OR2L5: variants seen among roughly 807,000 people sequenced by gnomAD.
OR2L5 encodes the protein olfactory receptor 2L5.
For missense variants in OR2L5, 413 were observed against 381.6 expected (o/e 1.08, Z -0.69); for synonymous variants, 169 against 142.0 (o/e 1.19, Z -1.35).
intron 1 of OR2L5, among the ~76,000 whole-genome samples, chr1:248,014,654 A>G (rs943891612): frequency 6.6e-6 from 1 of 152,124 alleles, no homozygotes; most frequent in Admixed American, 6.6e-5. Context: ...TGTAAGTGAT[A>G]GTGATTATGT....
Position 248,022,103 on chromosome 1 carries a change from C to A in OR2L5, c.156C>A (p.Thr52=). The A allele has an allele frequency of 6.2e-7, 1 of 1,613,870 alleles. No homozygotes were observed. Residue 52 remains threonine, a synonymous_variant, in exon 2 of 2, where the codon ACC becomes ACA. Coordinates refer to ENST00000355281, the MANE Select transcript of OR2L5 (RefSeq NM_001258284.2). ...LSMILLIFLD[T]HLHTPMYFLL... ...TGATTCTTCTCATCTTCTTGGACAC[C>A]CATCTCCACACACCCATGTATTTCC...
chr1:248,021,302 T>A (rs4517382), intron 1 of OR2L5, among the ~76,000 whole-genome samples: 46,108 of 152,066 alleles, frequency 0.3, 11,282 homozygotes, highest in African/African-American at 0.68. Flanking sequence ...TTTTCTAATT[T>A]GGAAAGATTA....
rs955530878 is a variant in OR2L5, at chr1:248,016,653, A to C, written c.-22+2915A>C. ...AGTGAGTCAGCCTTATTTCAGATGT[A>C]CTGCCTAAAAATATTTGGATAAACT... is the stretch of plus-strand genomic sequence containing the variant. On this transcript the variant is annotated intron_variant, in intron 1 of 1. Transcript: ENST00000355281. Among the ~76,000 whole-genome samples, 7 of 152,184 alleles carry C rather than the reference A, an allele frequency of 4.6e-5. No individual in the cohort carries two copies. In the East Asian group the frequency reaches 1.4e-3, roughly 29 times the overall value.
At chr1:248,015,018 C>T (rs1277466447) in intron 1 of OR2L5, among the ~76,000 whole-genome samples, 1 of 152,030 alleles carries the variant, frequency 6.6e-6, no homozygotes, top group Non-Finnish European at 1.5e-5. Context: ...GTCTGTCTGC[C>T]CACTTACCTA....
Position 248,022,979 on chromosome 1 carries a change from TCAAA to T in OR2L5, c.*96_*99del. The T allele has an allele frequency of 1.7e-6, 2 of 1,147,816 alleles. No individual in the cohort carries two copies. The highest frequency in any genetic ancestry group is 2.5e-6 in the Non-Finnish European group (2 of 809,230). 71.1% of individuals were successfully genotyped at this position (1,147,816 alleles called of 1,614,324 possible). On this transcript the variant is annotated 3_prime_UTR_variant, in exon 2 of 2. Transcript: ENST00000355281. ...AAAACATTATTACATGCCCAGTATGTCAAACAGAGATTAATCCAGAATGTTTGTC... is the reference window on the plus strand; with the variant it reads ...AAAACATTATTACATGCCCAGTATGTCAGAGATTAATCCAGAATGTTTGTC...
At chr1:248,018,118 G>C (rs1442320921) in intron 1 of OR2L5, among the ~76,000 whole-genome samples, 1 of 148,688 alleles carries the variant, frequency 6.7e-6, no homozygotes, top group South Asian at 2.1e-4. Flanking sequence ...TCACACCACT[G>C]CACTCCAGCC....
At chr1:248,017,697 C>T (rs1002268003) in intron 1 of OR2L5, among the ~76,000 whole-genome samples, 27 of 152,124 alleles carry the variant, frequency 1.8e-4, no homozygotes, top group African/African-American at 5.5e-4. Flanking sequence ...CTTTTCTACC[C>T]GGTGGTCTGG....
chr1:248,016,116 G>A (rs897076646), intron 1 of OR2L5, among the ~76,000 whole-genome samples: 1 of 151,982 alleles, frequency 6.6e-6, no homozygotes, highest in Admixed American at 6.6e-5. Flanking sequence ...ACTTAAATTA[G>A]GCTATTTTAA....
intron 1 of OR2L5, among the ~76,000 whole-genome samples, chr1:248,015,494 G>A (rs74155894): frequency 3.5e-4 from 53 of 152,180 alleles, no homozygotes; most frequent in African/African-American, 1.1e-3. Context: ...GCTGACTTAC[G>A]AAGTCAATGA....
At chr1:248,018,377 C>A (rs1662258490) in intron 1 of OR2L5, among the ~76,000 whole-genome samples, 1 of 152,030 alleles carries the variant, frequency 6.6e-6, no homozygotes, top group Admixed American at 6.6e-5. Flanking sequence ...TTAGTAATTA[C>A]AAATAGCACC....
chr1:248,015,812 T>C (rs1662183438), intron 1 of OR2L5, among the ~76,000 whole-genome samples: 1 of 152,204 alleles, frequency 6.6e-6, no homozygotes, highest in Non-Finnish European at 1.5e-5. Flanking sequence ...CCTATGCAAA[T>C]GATCATACCA....
At chr1:248,015,978 C>T (rs1177038233) in intron 1 of OR2L5, among the ~76,000 whole-genome samples, 2 of 152,146 alleles carry the variant, frequency 1.3e-5, no homozygotes, top group African/African-American at 4.8e-5. Flanking sequence ...CTCCTTGGTT[C>T]CCAACTCTAT....
chr1:248,023,319 C>A lies in OR2L5; in HGVS notation c.*433C>A, dbSNP rs1662394093. On this transcript the variant is annotated 3_prime_UTR_variant, in exon 2 of 2. Coordinates refer to ENST00000355281, the MANE Select transcript of OR2L5 (RefSeq NM_001258284.2). The stretch of plus-strand genomic sequence containing the variant: ...TCTCAACTGGTGTGTATGTGTTCCT[C>A]TTTTTGCTAAAGTAATGATTTATTA... 6.6e-6 allele frequency: 1 copy of A among 152,446 alleles called. No individual in the cohort carries two copies. The highest frequency in any genetic ancestry group is 2.1e-4 in the South Asian group (1 of 4,840). 9.4% of individuals were successfully genotyped at this position (152,446 alleles called of 1,614,324 possible).
intron 1 of OR2L5, among the ~76,000 whole-genome samples, chr1:248,018,686 G>A (rs1385368323): frequency 2.0e-5 from 3 of 152,148 alleles, no homozygotes; most frequent in African/African-American, 7.2e-5. Flanking sequence ...TCTTTTAAGT[G>A]TACAGTTCTG....
intron 1 of OR2L5, among the ~76,000 whole-genome samples, chr1:248,016,127 T>G (rs542060254): frequency 6.6e-6 from 1 of 152,314 alleles, no homozygotes; most frequent in East Asian, 1.9e-4. Flanking sequence ...GCTATTTTAA[T>G]TAGCTCATAT....
At chr1:248,019,339 A>G (rs937198670) in intron 1 of OR2L5, among the ~76,000 whole-genome samples, 5 of 152,138 alleles carry the variant, frequency 3.3e-5, no homozygotes, top group Non-Finnish European at 7.4e-5. Flanking sequence ...TAACATTGAG[A>G]TGACTTTTTC....
At chr1:248,017,917 G>A (rs1316307602) in intron 1 of OR2L5, among the ~76,000 whole-genome samples, 2 of 152,034 alleles carry the variant, frequency 1.3e-5, no homozygotes, top group African/African-American at 4.8e-5. Context: ...AGGTGAGGGA[G>A]AAGGAAAAAA....
intron 1 of OR2L5, among the ~76,000 whole-genome samples, chr1:248,020,768 T>A (rs948383908): frequency 6.6e-6 from 1 of 152,036 alleles, no homozygotes; most frequent in Admixed American, 6.5e-5. Context: ...ATTATTTTTT[T>A]ATATAACTTT....
At position 248,022,451 on chromosome 1, in the gene OR2L5, C is replaced by G; in HGVS notation, c.504C>G (p.Cys168Trp). 6.2e-7 allele frequency: 1 copy of G among 1,614,188 alleles called. No homozygotes were observed. The change falls in exon 2 of 2, where the codon TGC (cysteine) becomes TGG (tryptophan). Residue 168 changes from cysteine (C) to tryptophan (W), a missense_variant. By Grantham distance (215) the Cys-to-Trp change is radical. Transcript: ENST00000355281. ...TATATGCATTCCGTATCCCATATTG[C>G]AAGTCCAGAGCCATCAATCATTTTT... ...HTVYAFRIPY[C>W]KSRAINHFFC...
Sources: allele counts gnomAD v4.1 joint callset (sites outside exome capture counted in the v4.1 genomes callset), GRCh38; gene constraint gnomAD v4.1.1; transcripts MANE v1.5; gene names NCBI Gene and HGNC (gene_info 2026-07-23, HGNC 2026-07-21).